CSRNP1: variants seen among roughly 807,000 people sequenced by gnomAD.
CSRNP1 encodes cysteine and serine rich nuclear protein 1.
CSRNP1 carries 8 observed loss-of-function variants against 25.0 expected under a neutral mutation model. That is an observed-to-expected ratio of 0.32 (90% CI 0.19 to 0.58). The LOEUF is 0.58. Ranked by LOEUF, CSRNP1 falls within the 20% of genes least tolerant of loss-of-function variation. The probability of loss-of-function intolerance (pLI) is 0.88; values close to 1 mark genes in which losing one functional copy is unlikely to be tolerated. For synonymous variants in CSRNP1, 305 were observed against 303.1 expected, an observed-to-expected ratio of 1.01 and a Z score of -0.06; for missense variants, 691 against 773.1, an observed-to-expected ratio of 0.89 and a Z score of 1.26.
At position 39,143,601 on chromosome 3, in the gene CSRNP1, T is replaced by TCC. The variant is rs757011217; in HGVS notation, c.1223_1224insGG (p.Glu410ArgfsTer58). On this transcript the variant is annotated frameshift_variant, in exon 5 of 5. Transcript: ENST00000273153. LOFTEE classifies it low-confidence loss of function (END_TRUNC). ...GGTTCCCCACGCTCCCTTCCTCCTC[T>TCC]TCCTCCTCCTCCCCACCGAAGTCAG... 1.2e-6 allele frequency: 2 copies of TCC among 1,613,782 alleles called. No individual in the cohort carries two copies. Among genetic ancestry groups the TCC allele is most frequent in the Admixed American group, 3.3e-5 (2 of 60,016 alleles).
intron 3 of CSRNP1, among the ~76,000 whole-genome samples, 180 bp from the exon 4 acceptor site, chr3:39,144,631 G>GA (rs57973898): frequency 1.6e-3 from 213 of 136,534 alleles, no homozygotes; most frequent in Admixed American, 1.8e-3. Flanking sequence ...CAGGGCATTT[G>GA]AAAAAAAAAA....
At chr3:39,151,281 C>T (rs2039577572) in intron 1 of CSRNP1, 1 of 152,428 alleles carries the variant, frequency 6.6e-6, no homozygotes, top group Admixed American at 6.5e-5. Context: ...AGCCAGGCTT[C>T]TTCTGGGATC....
upstream of CSRNP1, chr3:39,153,644 CG>C (rs2039616925): frequency 6.6e-6 from 1 of 151,638 alleles, no homozygotes; most frequent in Non-Finnish European, 1.5e-5. Context: ...TGGAAAACTC[CG>C]GGGCTCACTG....
At chr3:39,144,578 C>T (rs975982713) in intron 3 of CSRNP1, 127 bp from the exon 4 acceptor site, 1 of 916,966 alleles carries the variant, frequency 1.1e-6, no homozygotes, top group Non-Finnish European at 1.6e-6. Context: ...GCGATGGGCA[C>T]TGTGTGTCAG....
chr3:39,143,998 T>G lies in CSRNP1; in HGVS notation c.827A>C (p.Glu276Ala). ...AAATTCCACACGGCCCATGGGGTTC[T>G]CACAGCCCTCCCTGCAGCAGCCACA... ...FPCGCCREGC[E>A]NPMGRVEFNQ... The change falls in exon 5 of 5, where the codon GAG becomes GCG. Residue 276 changes from glutamate to alanine, a missense_variant. Glu to Ala is a moderately radical substitution (Grantham distance 107). Coordinates refer to ENST00000273153, the MANE Select transcript of CSRNP1 (RefSeq NM_033027.4). 1.2e-6 allele frequency: 2 copies of G among 1,613,594 alleles called. No homozygotes were observed. Among genetic ancestry groups the G allele is most frequent in the Non-Finnish European group, 1.7e-6 (2 of 1,180,008 alleles).
chr3:39,146,004 A>G (rs1245803665), intron 2 of CSRNP1, among the ~76,000 whole-genome samples: 1 of 152,244 alleles, frequency 6.6e-6, no homozygotes, highest in Non-Finnish European at 1.5e-5. Flanking sequence ...GGCCATGTTC[A>G]TCAGTCTGGA....
At chr3:39,150,505 T>C (rs766988194) in intron 1 of CSRNP1, 2 of 152,238 alleles carry the variant, frequency 1.3e-5, no homozygotes, top group Non-Finnish European at 2.9e-5. Context: ...CTGTCACAGT[T>C]AATTTAAGAG....
chr3:39,147,625 G>A (rs2039533437), intron 1 of CSRNP1, among the ~76,000 whole-genome samples: 1 of 152,022 alleles, frequency 6.6e-6, no homozygotes, highest in South Asian at 2.1e-4. Context: ...TCGTGACATG[G>A]AGCACCCCAC....
chr3:39,143,626 G>C lies in CSRNP1; in HGVS notation c.1199C>G (p.Ser400Cys), dbSNP rs752801085. 4 of 1,614,060 alleles carry C rather than the reference G, an allele frequency of 2.5e-6. No homozygotes were observed. Among genetic ancestry groups the C allele is most frequent in the Middle Eastern group, 3.3e-4 (2 of 6,084 alleles). ...TTCCTCCTCCTCCCCACCGAAGTCAGAGTCACTGAAACTCAAGATGCGTGC... is the reference window on the plus strand; with the variant it reads ...TTCCTCCTCCTCCCCACCGAAGTCACAGTCACTGAAACTCAAGATGCGTGC... ...SLARILSFSDSDFGGEEEEEE... is the reference protein window; with the variant it reads ...SLARILSFSDCDFGGEEEEEE... Residue 400 changes from serine to cysteine, a missense_variant, in exon 5 of 5, where the codon TCT (serine) becomes TGT (cysteine). Ser to Cys is a moderately radical substitution (Grantham distance 112). Transcript: ENST00000273153.
In CSRNP1 at chr3:39,144,079, T is replaced by C. The variant is rs372369405; in HGVS notation, c.781-35A>G. Reference sequence around the variant, plus strand: ...AAAGTAGAGGTACAAGTGAGGGTTCTGTGGAGTGCAAAGAAGTCCCCACGC... The same window carrying C: ...AAAGTAGAGGTACAAGTGAGGGTTCCGTGGAGTGCAAAGAAGTCCCCACGC... On this transcript the variant is annotated intron_variant, in intron 4 of 4. Coordinates refer to ENST00000273153, the MANE Select transcript of CSRNP1 (RefSeq NM_033027.4). The C allele has an allele frequency of 1.9e-5, 31 of 1,606,688 alleles. No homozygotes were observed. In the African/African-American group the frequency reaches 3.2e-4, roughly 17 times the overall value.
At chr3:39,149,669 G>C (rs1395268881) in intron 1 of CSRNP1, 1 of 152,264 alleles carries the variant, frequency 6.6e-6, no homozygotes, top group Non-Finnish European at 1.5e-5. Flanking sequence ...ATCAAGTCCA[G>C]AATTCAAGAA....
At position 39,146,731 on chromosome 3, in the gene CSRNP1, G is replaced by A; in HGVS notation, c.-40-9C>T. 6.5e-7 allele frequency: 1 copy of A among 1,544,798 alleles called. No individual in the cohort carries two copies. ...GTCTGGGGACAGACAGCCTGGAATA[G>A]GAATGAGAAGGCTCTAAGTGGCAGG... On this transcript the variant is annotated splice_polypyrimidine_tract_variant and intron_variant, in intron 1 of 4. Coordinates refer to ENST00000273153, the MANE Select transcript of CSRNP1 (RefSeq NM_033027.4).
Position 39,144,244 on chromosome 3 carries a change from G to A in CSRNP1, c.673C>T (p.Arg225Trp), listed in dbSNP as rs142034027. Reference protein sequence around the residue: ...GVRRIDREEKRELQALRQSRE... With the variant: ...GVRRIDREEKWELQALRQSRE... ...GATTGGCGCAGTGCCTGCAGCTCCCGCTTCTCCTCCCGATCGATCCTTCGC... is the reference window on the plus strand; with the variant it reads ...GATTGGCGCAGTGCCTGCAGCTCCCACTTCTCCTCCCGATCGATCCTTCGC... The change falls in exon 4 of 5, where the codon CGG becomes TGG. Residue 225 changes from arginine (R) to tryptophan (W), a missense_variant. By Grantham distance (101) the Arg-to-Trp change is moderately radical (BLOSUM62 -3). Transcript: ENST00000273153. 79 of 1,614,030 alleles carry A rather than the reference G, an allele frequency of 4.9e-5. No individual in the cohort carries two copies. The highest frequency in any genetic ancestry group is 6.0e-5 in the Non-Finnish European group (71 of 1,180,034).
Position 39,142,439 on chromosome 3 carries a change from TCA to T in CSRNP1, c.*614_*615del, listed in dbSNP as rs554618532. The T allele has an allele frequency of 6.1e-4, 93 of 152,796 alleles. No individual in the cohort carries two copies. The highest frequency in any genetic ancestry group is 1.0e-3 in the Non-Finnish European group (71 of 68,226). The allele number at this position is 152,796 out of a possible 1,614,324, so 9.5% of individuals were successfully genotyped here. On this transcript the variant is annotated 3_prime_UTR_variant, in exon 5 of 5. Coordinates refer to ENST00000273153, the MANE Select transcript of CSRNP1 (RefSeq NM_033027.4). ...CTAGGAGCCAGGCAGCAGACATAGA[TCA>T]CAGAGCTCAAATCCACACCTAGTCT...
rs1436869721 is a variant in CSRNP1 at position 39,146,557 on chromosome 3, G to C, written c.126C>G (p.Ala42=). 1 of 1,553,292 alleles carries C rather than the reference G, an allele frequency of 6.4e-7. No homozygotes were observed. Among genetic ancestry groups the C allele is most frequent in the East Asian group, 2.4e-5 (1 of 41,060 alleles). The change falls in exon 2 of 5, where the codon GCC becomes GCG. Residue 42 remains alanine (A), a synonymous_variant. Transcript: ENST00000273153. ...SCSPSSSVSR[A]WDSEEEGPWD... ...AGGGGCCTTCCTCCTCTGAGTCCCA[G>C]GCACGGGAGACAGAAGAGCTTGGGG...
rs754485553 is a variant in CSRNP1 at position 39,145,156 on chromosome 3, A to G, written c.306T>C (p.Ser102=). ...GAGTACAGCCACCACGGCTGGGCAC[A>G]CTGGTGAAGCCCTGGCAGCGGGGGA... ...FYFPRCQGFT[S]VPSRGGCTLG... The change falls in exon 3 of 5, where the codon AGT becomes AGC. Residue 102 remains serine, a synonymous_variant. Coordinates refer to ENST00000273153, the MANE Select transcript of CSRNP1 (RefSeq NM_033027.4). The G allele has an allele frequency of 1.3e-5, 21 of 1,614,288 alleles. No homozygotes were observed. Among genetic ancestry groups the G allele is most frequent in the Non-Finnish European group, 1.8e-5 (21 of 1,180,048 alleles).
rs763468626 is a variant in CSRNP1 at position 39,143,361 on chromosome 3, G to T, written c.1464C>A (p.Asp488Glu). 6.2e-7 allele frequency: 1 copy of T among 1,614,174 alleles called. No homozygotes were observed. The highest frequency in any genetic ancestry group is 8.5e-7 in the Non-Finnish European group (1 of 1,180,020). The stretch of plus-strand genomic sequence containing the variant: ...GATCCACTGAGCTACTCCGGCCAGC[G>T]TCCATGCTGGGTGGCACTGAGGTGC... The part of the protein sequence containing the change: ...LPGTSVPPSM[D>E]AGRSSSVDLS... The change falls in exon 5 of 5, where the codon GAC becomes GAA. Residue 488 changes from aspartate (D) to glutamate (E), a missense_variant. Physicochemically the swap from Asp to Glu is conservative, Grantham distance 45. Transcript: ENST00000273153.
At position 39,143,609 on chromosome 3, in the gene CSRNP1, C is replaced by T. The variant is rs2039452267; in HGVS notation, c.1216G>A (p.Glu406Lys). 1.2e-6 allele frequency: 2 copies of T among 1,614,156 alleles called. No individual in the cohort carries two copies. Among genetic ancestry groups the T allele is most frequent in the Non-Finnish European group, 8.5e-7 (1 of 1,180,016 alleles). ...ACGCTCCCTTCCTCCTCTTCCTCCT[C>T]CTCCCCACCGAAGTCAGAGTCACTG... The part of the protein sequence containing the change: ...SFSDSDFGGE[E>K]EEEEEGSVGN... The change falls in exon 5 of 5, where the codon GAG (glutamate) becomes AAG (lysine). Residue 406 changes from glutamate (E) to lysine (K), a missense_variant. Glu to Lys is a moderately conservative substitution (Grantham distance 56). Transcript: ENST00000273153.
intron 3 of CSRNP1, among the ~76,000 whole-genome samples, chr3:39,144,776 C>A (rs894312402): frequency 5.3e-5 from 8 of 152,056 alleles, no homozygotes; most frequent in African/African-American, 1.7e-4. Context: ...AGGTATCATG[C>A]CCCCAGCCCC....
Sources: gnomAD v4.1 joint callset for allele counts (sites outside exome capture counted in the v4.1 genomes callset) on GRCh38, gnomAD v4.1.1 for gene constraint, MANE v1.5 for transcripts, NCBI Gene and HGNC (gene_info 2026-07-23, HGNC 2026-07-21) for gene names.